The following ANKS1B variants were observed in gnomAD, a reference collection of about 807,000 sequenced individuals.
The protein encoded by ANKS1B is ankyrin repeat and sterile alpha motif domain-containing protein 1B.
Under a neutral mutation model 148.3 loss-of-function variants are expected in ANKS1B, and 36 were observed. The ratio of observed to expected loss-of-function variants is 0.24; its 90% CI spans 0.19 to 0.32. ANKS1B has a LOEUF of 0.32. Ranked by LOEUF, ANKS1B falls within the 10% of genes least tolerant of loss-of-function variation. The pLI is 1.00. For synonymous variants in ANKS1B, 542 were observed against 560.8 expected (o/e 0.97, Z 0.47); for missense variants, 1,157 against 1,542.6 (o/e 0.75, Z 4.19).
chr12:99,557,518 T>C (rs1163532799), intron 9 of ANKS1B, among the ~76,000 whole-genome samples: 1 of 152,210 alleles, frequency 6.6e-6, no homozygotes, highest in Admixed American at 6.5e-5. Flanking sequence ...CAGATGATTG[T>C]GACTCCTTCT....
intron 17 of ANKS1B, among the ~76,000 whole-genome samples, chr12:98,935,309 T>C (rs931153077): frequency 6.6e-6 from 1 of 152,200 alleles, no homozygotes; most frequent in Non-Finnish European, 1.5e-5. Flanking sequence ...ATCCTTGAAT[T>C]CTACAGATAA....
intron 12 of ANKS1B, among the ~76,000 whole-genome samples, chr12:99,310,178 A>G (rs926906496): frequency 1.3e-5 from 2 of 152,174 alleles, no homozygotes; most frequent in Non-Finnish European, 2.9e-5. Flanking sequence ...TTAAGAAATA[A>G]TAACATGTTT....
chr12:99,199,509 C>T (rs995252220), intron 14 of ANKS1B, among the ~76,000 whole-genome samples: 4 of 152,018 alleles, frequency 2.6e-5, no homozygotes, highest in Non-Finnish European at 4.4e-5. Context: ...AAGAGCCAGT[C>T]TTATTACTCT....
chr12:99,698,446 T>C (rs1350094515), intron 8 of ANKS1B, among the ~76,000 whole-genome samples: 1 of 152,024 alleles, frequency 6.6e-6, no homozygotes, highest in East Asian at 1.9e-4. Context: ...TAAAAATGAG[T>C]AAATAGGCGG....
intron 14 of ANKS1B, among the ~76,000 whole-genome samples, chr12:99,196,959 T>A (rs1454779257): frequency 6.6e-6 from 1 of 152,070 alleles, no homozygotes; most frequent in East Asian, 1.9e-4. Flanking sequence ...CACAGATAAT[T>A]CCAGGCTTAT....
At chr12:99,024,381 A>G (rs2099947537) in intron 17 of ANKS1B, among the ~76,000 whole-genome samples, 1 of 152,146 alleles carries the variant, frequency 6.6e-6, no homozygotes, top group Admixed American at 6.6e-5. Context: ...CTGTCATTGC[A>G]TTTCCCTGAT....
At chr12:98,884,565 C>T (rs997820144) in intron 17 of ANKS1B, among the ~76,000 whole-genome samples, 3 of 151,150 alleles carry the variant, frequency 2.0e-5, no homozygotes, top group South Asian at 2.1e-4. Flanking sequence ...TTTGGGAGGC[C>T]GAGGCGGGTG....
intron 19 of ANKS1B, among the ~76,000 whole-genome samples, chr12:98,823,401 T>C (rs1490830808): frequency 6.6e-6 from 1 of 152,260 alleles, no homozygotes; most frequent in East Asian, 1.9e-4. Context: ...GATGAAAATC[T>C]AAATTAAATC....
chr12:99,506,065 G>A (rs1357376932), intron 9 of ANKS1B, among the ~76,000 whole-genome samples: 1 of 151,960 alleles, frequency 6.6e-6, no homozygotes, highest in Non-Finnish European at 1.5e-5. Context: ...ATCTATCATA[G>A]GGTATATTGC....
rs139850782 is a variant in ANKS1B at position 99,916,494 on chromosome 12, G to A, written c.134+67610C>T. Among the ~76,000 whole-genome samples the A allele has an allele frequency of 2.7e-3, 415 of 152,208 alleles. 14 individuals carry two copies. The East Asian group carries it at 0.076, about 28-fold the overall frequency. ...GTCTCCAGACCCACCAACTGGTCAC[G>A]TACCTGGTCCCTGAGTACATAATTG... On this transcript the variant is annotated intron_variant, in intron 1 of 26. Coordinates refer to ENST00000683438, the MANE Select transcript of ANKS1B (RefSeq NM_001352186.2).
rs188492647 is a variant in ANKS1B at position 98,938,619 on chromosome 12, G to A, written c.2779-106483C>T. Among the ~76,000 whole-genome samples the A allele has an allele frequency of 2.2e-3, 342 of 152,334 alleles. 2 individuals carry two copies. The highest frequency in any genetic ancestry group is 4.1e-3 in the Non-Finnish European group (276 of 68,030). ...TTGTGAAAGCTTCTGTCTTTGTAAG[G>A]TTAAGATGTGTCCTTGGGGGAAGAC... On this transcript the variant is annotated intron_variant, in intron 17 of 26. Coordinates refer to ENST00000683438, the MANE Select transcript of ANKS1B (RefSeq NM_001352186.2).
intron 1 of ANKS1B, among the ~76,000 whole-genome samples, chr12:99,951,461 G>C (rs562034843): frequency 6.6e-5 from 10 of 152,270 alleles, no homozygotes; most frequent in African/African-American, 1.9e-4. Context: ...AATTGTTCTA[G>C]AATCTACCAG....
intron 9 of ANKS1B, among the ~76,000 whole-genome samples, chr12:99,620,753 GAT>G (rs1163009652): frequency 2.6e-5 from 4 of 152,204 alleles, no homozygotes; most frequent in Admixed American, 1.3e-4. Context: ...AGAAAGATAA[GAT>G]TATGTAAAGT....
chr12:99,816,141 C>A (rs1481152825), intron 2 of ANKS1B, among the ~76,000 whole-genome samples: 1 of 151,782 alleles, frequency 6.6e-6, no homozygotes, highest in African/African-American at 2.4e-5. Context: ...TTCCCACCAA[C>A]TTCTATTGTT....
chr12:99,836,436 A>G (rs140454494), intron 1 of ANKS1B, among the ~76,000 whole-genome samples: 2 of 152,192 alleles, frequency 1.3e-5, no homozygotes, highest in Admixed American at 1.3e-4. Flanking sequence ...CTAACTAAAC[A>G]TTTTCTGATG....
chr12:98,842,898 T>G (rs1173087598), intron 17 of ANKS1B, among the ~76,000 whole-genome samples: 1 of 152,210 alleles, frequency 6.6e-6, no homozygotes, highest in Non-Finnish European at 1.5e-5. Context: ...GACTTTCCTA[T>G]GTATGTATAT....
At chr12:98,925,867 A>T (rs2152932967) in intron 17 of ANKS1B, among the ~76,000 whole-genome samples, 1 of 152,306 alleles carries the variant, frequency 6.6e-6, no homozygotes, top group Non-Finnish European at 1.5e-5. Flanking sequence ...ATTTGGTGGG[A>T]ATAGCCCTGA....
chr12:99,082,843 T>G (rs898407709), intron 16 of ANKS1B, among the ~76,000 whole-genome samples: 8 of 152,162 alleles, frequency 5.3e-5, no homozygotes, highest in African/African-American at 1.7e-4. Flanking sequence ...ACAAAGCAAG[T>G]AGTCATTCAT....
intron 12 of ANKS1B, among the ~76,000 whole-genome samples, chr12:99,300,915 G>C (rs1449749138): frequency 6.6e-6 from 1 of 152,178 alleles, no homozygotes; most frequent in Non-Finnish European, 1.5e-5. Flanking sequence ...ATATAAAAGA[G>C]GATATTTATT....
Sources: allele counts gnomAD v4.1 joint callset (sites outside exome capture counted in the v4.1 genomes callset), GRCh38; gene constraint gnomAD v4.1.1; transcripts MANE v1.5; gene names NCBI Gene and HGNC (gene_info 2026-07-23, HGNC 2026-07-21).